The following SYNE2 variants were observed in gnomAD, a reference collection of about 807,000 sequenced individuals.
The protein encoded by SYNE2 is nesprin-2.
In SYNE2, 431 loss-of-function variants were observed where a neutral mutation model predicts 856.3. The observed-to-expected ratio is 0.50, with a 90% confidence interval of 0.47 to 0.55. The LOEUF is 0.55. Among genes scored for constraint, SYNE2 ranks in the 20% least tolerant of loss-of-function variants. The pLI, the probability that SYNE2 is intolerant of heterozygous loss-of-function variation, is 0.00. For missense variants in SYNE2, 8,129 were observed against 8,023.2 expected, an observed-to-expected ratio of 1.01 and a Z score of -0.50; for synonymous variants, 2,923 against 2,872.3, an observed-to-expected ratio of 1.02 and a Z score of -0.56.
Position 64,142,003 on chromosome 14 carries a change from A to G in SYNE2, c.15221A>G (p.Asn5074Ser), listed in dbSNP as rs2098142678. ...ACAGAAATGATTAGCTGGATGAACA[A>G]TGTGGAGCATCAAACTTCAGATGAA... is the stretch of plus-strand genomic sequence containing the variant. The part of the protein sequence containing the change: ...AITEMISWMN[N>S]VEHQTSDEDS... Residue 5074 changes from asparagine (N) to serine (S), a missense_variant, in exon 82 of 116, where the codon AAT becomes AGT. Transcript: ENST00000555002. The G allele has an allele frequency of 6.2e-6, 10 of 1,614,176 alleles. No homozygotes were observed. Among genetic ancestry groups the G allele is most frequent in the Non-Finnish European group, 8.5e-6 (10 of 1,180,018 alleles).
intron 51 of SYNE2, among the ~76,000 whole-genome samples, chr14:64,070,262 A>G (rs908512365): frequency 2.6e-5 from 4 of 152,130 alleles, no homozygotes; most frequent in African/African-American, 9.7e-5. Context: ...CAGCAGAAAA[A>G]TTTTCCATAT....
chr14:64,204,392 G>A (rs891641157), intron 100 of SYNE2: 4 of 152,220 alleles, frequency 2.6e-5, no homozygotes, highest in African/African-American at 9.6e-5. Flanking sequence ...CCTGAGTGGT[G>A]AGTTTTTTCA....
chr14:63,856,750 T>G (rs556613022), intron 1 of SYNE2, among the ~76,000 whole-genome samples: 2 of 152,262 alleles, frequency 1.3e-5, no homozygotes, highest in South Asian at 4.1e-4. Flanking sequence ...AATAAAAGAT[T>G]ATGTCTGGAG....
At chr14:64,186,246 A>G (rs949002673) in intron 96 of SYNE2, among the ~76,000 whole-genome samples, 178 bp from the exon 97 acceptor site, 3 of 152,230 alleles carry the variant, frequency 2.0e-5, no homozygotes, top group African/African-American at 7.2e-5. Context: ...AAGGTGGTGG[A>G]GAACTGGCCA....
rs141599837 is a variant in SYNE2 at position 64,007,908 on chromosome 14, G to A, written c.4577+686G>A. ...GCCTATAGTCCCAGCTACTCAGGAG[G>A]CTGAGGTGGGAACATCACTTGAGCC... On this transcript the variant is annotated intron_variant, in intron 31 of 115. Transcript: ENST00000555002. 1.1e-3 allele frequency among the ~76,000 whole-genome samples: 161 copies of A among 152,240 alleles called. 3 individuals carry two copies. In the East Asian group the frequency reaches 0.015, roughly 14 times the overall value.
At chr14:64,188,759 G>T in intron 98 of SYNE2, 51 bp downstream of exon 98, 1 of 1,600,418 alleles carries the variant, frequency 6.2e-7, no homozygotes, top group South Asian at 1.1e-5. Context: ...TGGAATTGTC[G>T]GCCCTCCTCA....
rs147423237 is a variant in SYNE2 at position 63,839,320 on chromosome 14, C to T, written c.-304-13181C>T. Among the ~76,000 whole-genome samples, 1,321 of 152,166 alleles carry T rather than the reference C, an allele frequency of 8.7e-3. 17 individuals are homozygous for T. The highest frequency in any genetic ancestry group is 0.03 in the African/African-American group (1,248 of 41,522). On this transcript the variant is annotated intron_variant, in intron 1 of 23. Coordinates refer to the SYNE2 transcript ENST00000674003. ...CTGGGATTACAGGTGTGAGCCACCG[C>T]GCCCGGCCTAAGATTTCTTAATTTT...
chr14:63,916,360 A>G (rs2095533441), intron 2 of SYNE2, among the ~76,000 whole-genome samples: 1 of 152,088 alleles, frequency 6.6e-6, no homozygotes, highest in Non-Finnish European at 1.5e-5. Flanking sequence ...TTCACTGGAG[A>G]TTGTTGTCTT....
intron 48 of SYNE2, among the ~76,000 whole-genome samples, chr14:64,054,977 A>G (rs754585991): frequency 1.3e-5 from 2 of 152,208 alleles, no homozygotes; most frequent in Non-Finnish European, 2.9e-5. Context: ...GTATTTCTCC[A>G]CTTGAATTTT....
intron 83 of SYNE2, 46 bp from the exon 84 acceptor site, chr14:64,146,022 T>C: frequency 7.1e-7 from 1 of 1,412,690 alleles, no homozygotes; most frequent in Non-Finnish European, 9.6e-7. Context: ...ATTTACCTTT[T>C]AAAACATACA....
Position 64,031,373 on chromosome 14 carries a change from T to G in SYNE2, c.7221+16T>G. On this transcript the variant is annotated intron_variant, in intron 45 of 115. Coordinates refer to ENST00000555002, the MANE Select transcript of SYNE2 (RefSeq NM_182914.3). ...AATAAACAAGGTAAGTGCTTGTGATTGCACTTTCAAGACAGTGAGTCTGAG... is the reference window on the plus strand; with the variant it reads ...AATAAACAAGGTAAGTGCTTGTGATGGCACTTTCAAGACAGTGAGTCTGAG... 1 of 1,605,524 alleles carries G rather than the reference T, an allele frequency of 6.2e-7. No individual in the cohort carries two copies. The highest frequency in any genetic ancestry group is 1.7e-5 in the Admixed American group (1 of 59,956).
intron 97 of SYNE2, 44 bp from the exon 98 acceptor site, chr14:64,188,506 C>A (rs764079108): frequency 2.7e-5 from 43 of 1,612,986 alleles, no homozygotes; most frequent in Non-Finnish European, 3.5e-5. Context: ...GGGGTGCTTT[C>A]CTTCCTGGCT....
intron 11 of SYNE2, among the ~76,000 whole-genome samples, chr14:63,970,356 GT>G (rs2096458057): frequency 6.6e-6 from 1 of 152,026 alleles, no homozygotes. Context: ...ACCTTTCAAA[GT>G]TTTAAATTTT....
In SYNE2 at chr14:64,027,555, T is replaced by C. The variant is rs370972514; in HGVS notation, c.6476T>C (p.Ile2159Thr). The change falls in exon 43 of 116, where the codon ATA (isoleucine) becomes ACA (threonine). Residue 2159 changes from isoleucine (I) to threonine (T), a missense_variant. This residue lies in a region of SYNE2 where 297 missense variants were observed against 380.9 expected (regional missense o/e 0.78). Transcript: ENST00000555002. ...AAGGAGGATCTGAGATTAATGCTCATAGAACTAAAGAAGAAACAGGAAGCA... is the reference window on the plus strand; with the variant it reads ...AAGGAGGATCTGAGATTAATGCTCACAGAACTAAAGAAGAAACAGGAAGCA... ...QSKEDLRLML[I>T]ELKKKQEAGF... 13 of 1,611,156 alleles carry C rather than the reference T, an allele frequency of 8.1e-6. No individual in the cohort carries two copies. The highest frequency in any genetic ancestry group is 1.3e-5 in the African/African-American group (1 of 74,884).
chr14:64,173,188 A>G (rs1480910455), intron 94 of SYNE2, among the ~76,000 whole-genome samples: 1 of 152,226 alleles, frequency 6.6e-6, no homozygotes, highest in Non-Finnish European at 1.5e-5. Context: ...TCAGCGTGTC[A>G]AAACACCGTA....
At chr14:63,775,111 G>A (rs1887061991) in intron 1 of SYNE2, among the ~76,000 whole-genome samples, 1 of 152,008 alleles carries the variant, frequency 6.6e-6, no homozygotes, top group Admixed American at 6.6e-5. Context: ...CAAGTAGCTG[G>A]GATTACAGGT....
At position 64,188,679 on chromosome 14, in the gene SYNE2, A is replaced by G; in HGVS notation, c.17842A>G (p.Ile5948Val). ...AGTTCTACAGACAGCGGACATTAGT[A>G]TTGAAGAAATGATTGAAAAGTTACA... ...NKVLQTADISIEEMIEKLQKD... is the reference protein window; with the variant it reads ...NKVLQTADISVEEMIEKLQKD... Residue 5948 changes from isoleucine to valine, a missense_variant, in exon 98 of 116, where the codon ATT (isoleucine) becomes GTT (valine). By Grantham distance (29) the Ile-to-Val change is conservative. Coordinates refer to ENST00000555002, the MANE Select transcript of SYNE2 (RefSeq NM_182914.3). The G allele has an allele frequency of 6.2e-7, 1 of 1,614,194 alleles. No homozygotes were observed. The highest frequency in any genetic ancestry group is 8.5e-7 in the Non-Finnish European group (1 of 1,180,024).
In SYNE2 at chr14:63,982,671, T is replaced by C; in HGVS notation, c.1878T>C (p.Ala626=). The stretch of plus-strand genomic sequence containing the variant: ...TAGCCCAGTGGAATCTAGAACACGC[T>C]ACTTTAAATGAAGCAGGAAATTTCT... The part of the protein sequence containing the change: ...ETLAQWNLEH[A]TLNEAGNFLV... The change falls in exon 17 of 116, where the codon GCT becomes GCC. Residue 626 remains alanine, a synonymous_variant. Transcript: ENST00000555002. 1.2e-6 allele frequency: 2 copies of C among 1,614,180 alleles called. No individual in the cohort carries two copies. Among genetic ancestry groups the C allele is most frequent in the Non-Finnish European group, 1.7e-6 (2 of 1,180,008 alleles).
rs201132220 is a variant in SYNE2 at position 63,891,642 on chromosome 14, TG to T, written c.-51-17452del. 2.4e-4 allele frequency among the ~76,000 whole-genome samples: 37 copies of T among 152,242 alleles called. No homozygotes were observed. The East Asian group carries it at 6.0e-3, about 25-fold the overall frequency. On this transcript the variant is annotated intron_variant, in intron 1 of 115. Coordinates refer to ENST00000555002, the MANE Select transcript of SYNE2 (RefSeq NM_182914.3). ...ACCTTTATGTCAAAGAGGAATATTT[TG>T]GGGTGACATTCTGGCCCCCTTTACA...
Sources: allele counts gnomAD v4.1 joint callset (sites outside exome capture counted in the v4.1 genomes callset), GRCh38; gene constraint gnomAD v4.1.1; regional missense constraint gnomAD v4.1.1; transcripts MANE v1.5; gene names NCBI Gene and HGNC (gene_info 2026-07-23, HGNC 2026-07-21).